DOCK1: variants seen among roughly 807,000 people sequenced by gnomAD.
The protein encoded by DOCK1 is dedicator of cytokinesis 1.
DOCK1 carries 138 observed loss-of-function variants against 262.7 expected under a neutral mutation model. That is an observed-to-expected ratio of 0.53 (90% confidence interval 0.46 to 0.61). The LOEUF (loss-of-function observed/expected upper bound fraction) is 0.61. Among genes scored for constraint, DOCK1 ranks in the 20% least tolerant of loss-of-function variants. The pLI, the probability that DOCK1 is intolerant of heterozygous loss-of-function variation, is 0.00. For missense variants in DOCK1, 1,908 were observed against 2,370.7 expected (o/e 0.80, Z 4.05); for synonymous variants, 866 against 867.4 (o/e 1.00, Z 0.03).
chr10:127,070,411 G>A (rs566600745), intron 23 of DOCK1, among the ~76,000 whole-genome samples: 9 of 151,620 alleles, frequency 5.9e-5, no homozygotes, highest in East Asian at 5.8e-4. Context: ...CCACTACCAC[G>A]CCAAGCTAAT....
In DOCK1 at chr10:127,024,729, C is replaced by T. The variant is rs577282724; in HGVS notation, c.1497C>T (p.Tyr499=). 275 of 1,612,580 alleles carry T rather than the reference C, an allele frequency of 1.7e-4. 2 individuals carry two copies. The South Asian group carries it at 2.7e-3, about 16-fold the overall frequency. ...CTGGTGATGAAGCGATTTCAGAGTA[C>T]AAATCTGTGATTTACTACCAAGTAA... ...PGAGDEAISE[Y]KSVIYYQVKQ... The change falls in exon 15 of 52, where the codon TAC becomes TAT. Residue 499 remains tyrosine, a synonymous_variant. Coordinates refer to ENST00000623213, the MANE Select transcript of DOCK1 (RefSeq NM_001290223.2).
intron 46 of DOCK1, among the ~76,000 whole-genome samples, chr10:127,424,227 G>A (rs2068680407): frequency 6.6e-6 from 1 of 152,150 alleles, no homozygotes; most frequent in Non-Finnish European, 1.5e-5. Context: ...TCCCATCAAC[G>A]TCAGGAACTG....
chr10:127,367,326 G>A lies in DOCK1; in HGVS notation c.3432+5114G>A, dbSNP rs114314222. 3.6e-3 allele frequency among the ~76,000 whole-genome samples: 547 copies of A among 152,048 alleles called. 5 individuals carry two copies. The highest frequency in any genetic ancestry group is 0.012 in the African/African-American group (511 of 41,486). The stretch of plus-strand genomic sequence containing the variant: ...AAGAAAGAGCACAAATGTTCCTTCG[G>A]AATAGGCTCAGCCTTGCCCTTATCC... On this transcript the variant is annotated intron_variant, in intron 33 of 51. Transcript: ENST00000623213.
intron 23 of DOCK1, among the ~76,000 whole-genome samples, chr10:127,064,248 C>T (rs1275995855): frequency 6.6e-6 from 1 of 152,156 alleles, no homozygotes; most frequent in African/African-American, 2.4e-5. Context: ...GTTGGGATTA[C>T]AGGCACCCGC....
chr10:127,160,221 G>A (rs974012535), intron 27 of DOCK1, among the ~76,000 whole-genome samples: 6 of 152,136 alleles, frequency 3.9e-5, no homozygotes, highest in African/African-American at 1.4e-4. Flanking sequence ...GGAATGGTTA[G>A]CAAGTGGAAA....
chr10:127,240,444 A>G (rs558471784), intron 27 of DOCK1, among the ~76,000 whole-genome samples: 2 of 152,266 alleles, frequency 1.3e-5, no homozygotes, highest in South Asian at 2.1e-4. Flanking sequence ...GGTTGTTTAT[A>G]TGGGAAAGGT....
At chr10:126,968,922 A>G (rs569940766) in intron 1 of DOCK1, among the ~76,000 whole-genome samples, 1 of 152,362 alleles carries the variant, frequency 6.6e-6, no homozygotes, top group South Asian at 2.1e-4. Flanking sequence ...TGGGGAAAAT[A>G]TAGGAAGATA....
chr10:127,017,840 T>C (rs16906450), intron 12 of DOCK1, among the ~76,000 whole-genome samples: 27,636 of 152,152 alleles, frequency 0.18, 2,649 homozygotes, highest in Non-Finnish European at 0.21. Flanking sequence ...GCCGAGCCCC[T>C]GCCTGCCCCG....
At chr10:127,312,532 T>C (rs1287759234) in intron 29 of DOCK1, among the ~76,000 whole-genome samples, 1 of 152,142 alleles carries the variant, frequency 6.6e-6, no homozygotes, top group East Asian at 1.9e-4. Flanking sequence ...CTTTATAACA[T>C]GCAGCATTTT....
intron 23 of DOCK1, among the ~76,000 whole-genome samples, chr10:127,090,864 A>C (rs1379609433): frequency 2.0e-5 from 3 of 152,102 alleles, no homozygotes; most frequent in Non-Finnish European, 4.4e-5. Flanking sequence ...GTATGGACAG[A>C]CCACAGGTGT....
intron 15 of DOCK1, 184 bp from the exon 16 acceptor site, chr10:127,026,168 A>G (rs1187622158): frequency 3.3e-6 from 2 of 609,512 alleles, no homozygotes; most frequent in Admixed American, 3.2e-5. Flanking sequence ...CTGTTACAAT[A>G]TGATACAAAA....
chr10:127,160,366 C>T (rs573216858), intron 27 of DOCK1, among the ~76,000 whole-genome samples: 1 of 152,300 alleles, frequency 6.6e-6, no homozygotes. Flanking sequence ...ATGGAAAGTT[C>T]TCTTCTCACA....
chr10:126,972,252 T>C (rs1021587748), intron 2 of DOCK1, among the ~76,000 whole-genome samples: 1 of 152,216 alleles, frequency 6.6e-6, no homozygotes, highest in Admixed American at 6.5e-5. Flanking sequence ...AAATAAACTA[T>C]TGGTGACAGT....
chr10:127,379,692 A>C (rs1221026971), intron 35 of DOCK1, among the ~76,000 whole-genome samples: 2 of 152,188 alleles, frequency 1.3e-5, no homozygotes, highest in East Asian at 3.8e-4. Flanking sequence ...CATGTTGATG[A>C]TGCTTATTTG....
chr10:127,268,851 C>G (rs1454546352), intron 29 of DOCK1, among the ~76,000 whole-genome samples: 1 of 152,164 alleles, frequency 6.6e-6, no homozygotes, highest in Non-Finnish European at 1.5e-5. Context: ...CCAGGGCTGC[C>G]TCCAGTCCTG....
At chr10:127,313,820 A>T (rs1352914225) in intron 29 of DOCK1, among the ~76,000 whole-genome samples, 1 of 152,098 alleles carries the variant, frequency 6.6e-6, no homozygotes, top group East Asian at 1.9e-4. Context: ...CTAGAACTAC[A>T]GCCCCTCGAG....
At chr10:127,144,415 T>A (rs776469149) in intron 27 of DOCK1, among the ~76,000 whole-genome samples, 2 of 152,202 alleles carry the variant, frequency 1.3e-5, no homozygotes, top group Non-Finnish European at 1.5e-5. Flanking sequence ...CCCCCAGGTC[T>A]GTGAACTCAT....
At chr10:127,257,041 A>G (rs1008771795) in intron 28 of DOCK1, among the ~76,000 whole-genome samples, 7 of 152,226 alleles carry the variant, frequency 4.6e-5, no homozygotes, top group Non-Finnish European at 1.0e-4. Context: ...AGAAGCAGAA[A>G]GGGCTTGAAT....
intron 31 of DOCK1, among the ~76,000 whole-genome samples, chr10:127,349,642 T>C (rs1365096476): frequency 6.6e-6 from 1 of 152,202 alleles, no homozygotes; most frequent in Non-Finnish European, 1.5e-5. Context: ...ACCGGGTGGC[T>C]TGAATTGATT....
Sources: gnomAD v4.1 joint callset for allele counts (sites outside exome capture counted in the v4.1 genomes callset) on GRCh38, gnomAD v4.1.1 for gene constraint, MANE v1.5 for transcripts, NCBI Gene and HGNC (gene_info 2026-07-23, HGNC 2026-07-21) for gene names.